Variants in RBPMS observed in about 807,000 individuals in gnomAD.
RBPMS encodes RNA binding protein, mRNA processing factor.
A neutral mutation model predicts 26.8 loss-of-function variants in RBPMS; 7 were observed. The ratio of observed to expected loss-of-function variants is 0.26; its 90% CI spans 0.15 to 0.49. The LOEUF is 0.49. RBPMS is among the 20% of genes least tolerant of loss of function. The pLI is 0.98. For synonymous variants in RBPMS, 96 were observed against 93.3 expected, an observed-to-expected ratio of 1.03 and a Z score of -0.17; for missense variants, 186 against 250.0, an observed-to-expected ratio of 0.74 and a Z score of 1.73.
chr8:30,509,411 C>G (rs1246689118), intron 5 of RBPMS, among the ~76,000 whole-genome samples: 1 of 152,224 alleles, frequency 6.6e-6, no homozygotes, highest in Non-Finnish European at 1.5e-5. Context: ...CAGTAACAAC[C>G]TACGCTAACT....
Position 30,385,071 on chromosome 8 carries a change from C to G in RBPMS, c.-22C>G, listed in dbSNP as rs1245690053. 2 of 1,502,226 alleles carry G rather than the reference C, an allele frequency of 1.3e-6. No individual in the cohort carries two copies. The highest frequency in any genetic ancestry group is 1.8e-6 in the Non-Finnish European group (2 of 1,124,782). The allele number at this position is 1,502,226 out of a possible 1,614,324, so 93.1% of individuals were successfully genotyped here. On this transcript the variant is annotated 5_prime_UTR_variant, in exon 1 of 9. Coordinates refer to ENST00000397323, the MANE Select transcript of RBPMS (RefSeq NM_001008710.3). ...GCCCCGCGCCCCAGCCCTGCCCGGC[C>G]CGGCGAGGAAGGACCGGGAAGATGA...
At chr8:30,565,214 TA>T (rs1285479152) in intron 7 of RBPMS, 3 of 152,206 alleles carry the variant, frequency 2.0e-5, no homozygotes, top group African/African-American at 7.2e-5. Flanking sequence ...TTTTCTTCCT[TA>T]AATCTGAGGA....
chr8:30,499,764 T>C (rs1295069670), intron 4 of RBPMS, among the ~76,000 whole-genome samples: 1 of 152,168 alleles, frequency 6.6e-6, no homozygotes, highest in East Asian at 1.9e-4. Flanking sequence ...GATTAGATCT[T>C]GGATCAGGAA....
chr8:30,561,968 G>A, intron 7 of RBPMS: 1 of 985,294 alleles, frequency 1.0e-6, no homozygotes, highest in Non-Finnish European at 1.2e-6. Flanking sequence ...GCTACTAGAA[G>A]GACGAACAAT....
rs201462610 is a variant in RBPMS, at chr8:30,474,866, T to G, written c.144+10T>G. 15 of 1,566,880 alleles carry G rather than the reference T, an allele frequency of 9.6e-6. No individual in the cohort carries two copies. The highest frequency in any genetic ancestry group is 1.7e-4 in the Middle Eastern group (1 of 5,982). On this transcript the variant is annotated intron_variant, in intron 2 of 8. Coordinates refer to ENST00000397323, the MANE Select transcript of RBPMS (RefSeq NM_001008710.3). ...TTTCAGACCATTTAAGGTACCTTTT[T>G]TTATCTTTCAGAAATTATAAAATGA...
chr8:30,477,766 T>C (rs778529648), intron 2 of RBPMS, 33 bp from the exon 3 acceptor site: 1 of 1,529,508 alleles, frequency 6.5e-7, no homozygotes, highest in Non-Finnish European at 9.0e-7. Context: ...CTACAGTTAC[T>C]TTTGGCTAAA....
rs199629850 is a variant in RBPMS, at chr8:30,482,114, A to C, written c.246+2737A>C. On this transcript the variant is annotated intron_variant, in intron 4 of 8. Coordinates refer to ENST00000397323, the MANE Select transcript of RBPMS (RefSeq NM_001008710.3). ...TGTGACCATGGAGCAGACCCATTCA[A>C]GGTAATGTATTTAGTCATGAAGCTA... 5.9e-5 allele frequency among the ~76,000 whole-genome samples: 9 copies of C among 152,338 alleles called. No individual in the cohort carries two copies. The East Asian group carries it at 1.5e-3, about 26-fold the overall frequency.
intron 7 of RBPMS, 104 bp downstream of exon 7, chr8:30,559,060 C>G (rs2151084371): frequency 1.1e-6 from 1 of 871,608 alleles, no homozygotes; most frequent in South Asian, 1.4e-5. Context: ...GCACCCACAC[C>G]TTATGCACCT....
intron 4 of RBPMS, among the ~76,000 whole-genome samples, chr8:30,483,828 A>G (rs576965298): frequency 2.0e-5 from 3 of 152,142 alleles, no homozygotes; most frequent in Non-Finnish European, 2.9e-5. Flanking sequence ...GAATTTGCCT[A>G]TTCTAAATAA....
At chr8:30,487,422 C>T (rs940181928) in intron 4 of RBPMS, among the ~76,000 whole-genome samples, 2 of 152,110 alleles carry the variant, frequency 1.3e-5, no homozygotes, top group Admixed American at 1.3e-4. Context: ...CTTAGGGAGT[C>T]GGGTAGGACT....
intron 7 of RBPMS, among the ~76,000 whole-genome samples, chr8:30,559,509 G>T (rs62508370): frequency 1.3e-5 from 2 of 152,234 alleles, no homozygotes; most frequent in East Asian, 1.9e-4. Flanking sequence ...GGGCATTTTT[G>T]TGCCATTTTA....
At chr8:30,407,936 C>T (rs1355768252) in intron 1 of RBPMS, among the ~76,000 whole-genome samples, 3 of 149,892 alleles carry the variant, frequency 2.0e-5, no homozygotes, top group African/African-American at 7.4e-5. Flanking sequence ...CAAGAGTTCT[C>T]TTCCTTAGGC....
intron 8 of RBPMS, 49 bp downstream of exon 8, chr8:30,566,409 C>T (rs1185857226): frequency 1.7e-6 from 1 of 591,238 alleles, no homozygotes. Context: ...GCATGGCGAA[C>T]ACGTGGGAAC....
chr8:30,570,284 C>CTGAT (rs754356251), intron 8 of RBPMS, among the ~76,000 whole-genome samples: 11 of 152,204 alleles, frequency 7.2e-5, no homozygotes, highest in African/African-American at 2.2e-4. Flanking sequence ...GTATGCTGAG[C>CTGAT]TGATTGATTG....
Position 30,434,704 on chromosome 8 carries a change from GAA to G in RBPMS, c.67-40061_67-40060del, listed in dbSNP as rs57092916. Among the ~76,000 whole-genome samples, 72 of 99,324 alleles carry G rather than the reference GAA, an allele frequency of 7.2e-4. No homozygotes were observed. The East Asian group carries it at 9.2e-3, about 13-fold the overall frequency. 65.2% of individuals were successfully genotyped at this position (99,324 alleles called of 152,430 possible). On this transcript the variant is annotated intron_variant, in intron 1 of 8. Transcript: ENST00000397323. The stretch of plus-strand genomic sequence containing the variant: ...GGGAGACAGAGCGAGACTCTGCCTC[GAA>G]AAAAAAAAAAAAAGGCAACAAAAAG...
rs1010021650 is a variant in RBPMS, at chr8:30,458,643, A to G, written c.67-16136A>G. Among the ~76,000 whole-genome samples the G allele has an allele frequency of 3.3e-5, 5 of 152,336 alleles. 1 individual carries two copies. The highest frequency in any genetic ancestry group is 9.6e-5 in the African/African-American group (4 of 41,592). ...AGTGTCTGTGATGAACTGGTTGCACATCAGTAATTCTGTAGTCCATTTCCC... is the reference window on the plus strand; with the variant it reads ...AGTGTCTGTGATGAACTGGTTGCACGTCAGTAATTCTGTAGTCCATTTCCC... On this transcript the variant is annotated intron_variant, in intron 1 of 8. Transcript: ENST00000397323.
chr8:30,446,718 C>A (rs1813818240), intron 1 of RBPMS, among the ~76,000 whole-genome samples: 2 of 151,558 alleles, frequency 1.3e-5, no homozygotes, highest in South Asian at 4.2e-4. Flanking sequence ...GTAGTCTCAA[C>A]CTCCTGGGCT....
At chr8:30,546,164 C>T (rs1319826737) in intron 6 of RBPMS, among the ~76,000 whole-genome samples, 7 of 152,252 alleles carry the variant, frequency 4.6e-5, no homozygotes, top group African/African-American at 1.7e-4. Context: ...TTGCCACCTC[C>T]CACCCCTGCT....
intron 1 of RBPMS, among the ~76,000 whole-genome samples, chr8:30,442,236 C>T (rs930199656): frequency 1.3e-5 from 2 of 152,164 alleles, no homozygotes; most frequent in South Asian, 4.1e-4. Flanking sequence ...TGGGCCTTTA[C>T]TGTGCTAGAT....
Sources: gnomAD v4.1 joint callset for allele counts (sites outside exome capture counted in the v4.1 genomes callset) on GRCh38, gnomAD v4.1.1 for gene constraint, MANE v1.5 for transcripts, NCBI Gene and HGNC (gene_info 2026-07-23, HGNC 2026-07-21) for gene names.